AOX1: variants seen among roughly 807,000 people sequenced by gnomAD.
The protein encoded by AOX1 is aldehyde oxidase.
In AOX1, 153 loss-of-function variants were observed where a neutral mutation model predicts 169.5. The ratio of observed to expected loss-of-function variants is 0.90; its 90% CI spans 0.79 to 1.03. AOX1 has a LOEUF of 1.03. AOX1 is among the 50% of genes least tolerant of loss of function. The probability of loss-of-function intolerance (pLI) is 0.00; values close to 1 mark genes in which losing one functional copy is unlikely to be tolerated. For synonymous variants in AOX1, 562 were observed against 581.9 expected, an observed-to-expected ratio of 0.97 and a Z score of 0.49; for missense variants, 1,656 against 1,663.9, an observed-to-expected ratio of 1.00 and a Z score of 0.08.
At chr2:200,639,472 C>T (rs2035309275) in intron 23 of AOX1, among the ~76,000 whole-genome samples, 1 of 152,218 alleles carries the variant, frequency 6.6e-6, no homozygotes, top group Non-Finnish European at 1.5e-5. Flanking sequence ...ATAGCACTGT[C>T]TCCATCGCAA....
At chr2:200,620,509 C>A in intron 16 of AOX1, 141 bp from the exon 17 acceptor site, 1 of 772,372 alleles carries the variant, frequency 1.3e-6, no homozygotes, top group East Asian at 3.3e-5. Context: ...GTGCCCAGCC[C>A]AATAGTGCTT....
intron 21 of AOX1, among the ~76,000 whole-genome samples, chr2:200,636,000 C>A (rs1016576440): frequency 6.7e-6 from 1 of 149,876 alleles, no homozygotes; most frequent in Non-Finnish European, 1.5e-5. Context: ...CTGTAAGAAT[C>A]AATTGTTAAG....
At position 200,668,643 on chromosome 2, in the gene AOX1, G is replaced by A. The variant is rs368816835; in HGVS notation, c.3638G>A (p.Gly1213Glu). Residue 1213 changes from glycine (G) to glutamate (E), a missense_variant, in exon 33 of 35, where the codon GGA becomes GAA. Physicochemically the swap from Gly to Glu is moderately conservative, Grantham distance 98. Coordinates refer to ENST00000374700, the MANE Select transcript of AOX1 (RefSeq NM_001159.4). ...GAAGGTGCATTTATTCAAGGCATGG[G>A]ACTTTATACAATAGAGGAACTGAAT... is the stretch of plus-strand genomic sequence containing the variant. ...QIEGAFIQGM[G>E]LYTIEELNYS... The A allele has an allele frequency of 2.7e-5, 43 of 1,612,348 alleles. No individual in the cohort carries two copies. The African/African-American group carries it at 5.3e-4, about 20-fold the overall frequency.
intron 18 of AOX1, 41 bp from the exon 19 acceptor site, chr2:200,623,820 T>TA: frequency 6.2e-7 from 1 of 1,612,014 alleles, no homozygotes; most frequent in Non-Finnish European, 8.5e-7. Context: ...GAGGACCTGA[T>TA]GCCTGCCCTC....
chr2:200,605,934 T>G (rs1200425531), intron 10 of AOX1, among the ~76,000 whole-genome samples: 1 of 152,232 alleles, frequency 6.6e-6, no homozygotes, highest in Admixed American at 6.5e-5. Context: ...TTCTGTAGGT[T>G]GCCTGTTCAC....
intron 26 of AOX1, among the ~76,000 whole-genome samples, chr2:200,655,863 T>C (rs191097824): frequency 3.9e-5 from 6 of 152,348 alleles, no homozygotes; most frequent in Non-Finnish European, 7.3e-5. Flanking sequence ...GTGATTAACA[T>C]GCAGTTCCAT....
intron 31 of AOX1, among the ~76,000 whole-genome samples, chr2:200,664,623 T>C (rs546295669): frequency 6.6e-6 from 1 of 152,358 alleles, no homozygotes; most frequent in Non-Finnish European, 1.5e-5. Flanking sequence ...TCATATAGCC[T>C]CATCAGATGC....
chr2:200,638,279 C>A lies in AOX1; in HGVS notation c.2545C>A (p.His849Asn), dbSNP rs2035280618. Residue 849 changes from histidine to asparagine, a missense_variant, in exon 23 of 35, where the codon CAT (histidine) becomes AAT (asparagine). Coordinates refer to ENST00000374700, the MANE Select transcript of AOX1 (RefSeq NM_001159.4). ...AGACATGTTAATAACTGGAGGCCGC[C>A]ATCCTTACCTTGGAAAGTACAAAGT... ...GEDMLITGGR[H>N]PYLGKYKAGF... The A allele has an allele frequency of 6.2e-7, 1 of 1,613,700 alleles. No individual in the cohort carries two copies. Among genetic ancestry groups the A allele is most frequent in the Middle Eastern group, 1.7e-4 (1 of 6,060 alleles).
intron 19 of AOX1, among the ~76,000 whole-genome samples, chr2:200,626,778 T>C (rs2035014007): frequency 6.6e-6 from 1 of 152,226 alleles, no homozygotes; most frequent in South Asian, 2.1e-4. Context: ...TCCCAATCAC[T>C]AGAGTCTTTT....
At chr2:200,621,641 C>A (rs2034888104) in intron 18 of AOX1, among the ~76,000 whole-genome samples, 1 of 150,446 alleles carries the variant, frequency 6.6e-6, no homozygotes, top group Non-Finnish European at 1.5e-5. Context: ...ACCATGAAGC[C>A]TTTTTTCTCA....
At chr2:200,657,999 C>T (rs1035499090) in intron 27 of AOX1, among the ~76,000 whole-genome samples, 56 of 152,188 alleles carry the variant, frequency 3.7e-4, no homozygotes, top group African/African-American at 1.1e-3. Flanking sequence ...GCAGTCTTTA[C>T]AATCATGAAT....
downstream of AOX1, among the ~76,000 whole-genome samples, chr2:200,672,765 T>C (rs2036046864): frequency 6.6e-6 from 1 of 151,998 alleles, no homozygotes; most frequent in Non-Finnish European, 1.5e-5. Flanking sequence ...TGGCAGGTTG[T>C]GGTTAGAATA....
At position 200,650,902 on chromosome 2, in the gene AOX1, G is replaced by A. The variant is rs2035566115; in HGVS notation, c.2848-72G>A. 2.1e-6 allele frequency: 3 copies of A among 1,408,514 alleles called. No homozygotes were observed. In the Admixed American group the frequency reaches 5.5e-5, roughly 26 times the overall value. 87.3% of individuals were successfully genotyped at this position (1,408,514 alleles called of 1,614,324 possible). A position where few individuals can be genotyped will look rare whatever the true frequency, so the allele number is the denominator to read the frequency against. ...TACAGGATGGGCAGAATTTGACCAG[G>A]AGGATGGTGAATGGATGAGCCTATG... On this transcript the variant is annotated intron_variant, in intron 25 of 34. Transcript: ENST00000374700.
At chr2:200,621,734 T>A (rs1411868058) in intron 18 of AOX1, among the ~76,000 whole-genome samples, 1 of 151,848 alleles carries the variant, frequency 6.6e-6, no homozygotes, top group African/African-American at 2.4e-5. Context: ...ATGTGTTAAA[T>A]GCGCTTTTTA....
chr2:200,592,273 C>T (rs1277698033), intron 1 of AOX1, among the ~76,000 whole-genome samples: 2 of 152,156 alleles, frequency 1.3e-5, no homozygotes, highest in Admixed American at 1.3e-4. Flanking sequence ...GGAATATAGC[C>T]TGTTAGAATT....
chr2:200,593,637 C>T (rs774406049), intron 2 of AOX1, among the ~76,000 whole-genome samples: 4 of 152,106 alleles, frequency 2.6e-5, no homozygotes, highest in Non-Finnish European at 5.9e-5. Context: ...AAATAAATGC[C>T]ATCAAAGGAA....
chr2:200,588,970 G>T (rs1010483764), intron 1 of AOX1, among the ~76,000 whole-genome samples: 4 of 151,664 alleles, frequency 2.6e-5, no homozygotes, highest in Non-Finnish European at 5.9e-5. Flanking sequence ...AAACTTTTTC[G>T]TTCCAGAGAG....
chr2:200,610,828 T>A (rs1479778152), intron 12 of AOX1, among the ~76,000 whole-genome samples: 1 of 152,200 alleles, frequency 6.6e-6, no homozygotes, highest in Non-Finnish European at 1.5e-5. Flanking sequence ...TGAGATCTTT[T>A]CATCTATTTT....
At chr2:200,609,835 T>TG (rs2034598003) in intron 12 of AOX1, among the ~76,000 whole-genome samples, 2 of 152,220 alleles carry the variant, frequency 1.3e-5, no homozygotes, top group African/African-American at 4.8e-5. Flanking sequence ...CATACAGGTC[T>TG]TTTTCAGGTG....
Sources: allele counts gnomAD v4.1 joint callset (sites outside exome capture counted in the v4.1 genomes callset), GRCh38; gene constraint gnomAD v4.1.1; transcripts MANE v1.5; gene names NCBI Gene and HGNC (gene_info 2026-07-23, HGNC 2026-07-21).